Variants in ANO6 observed in about 807,000 individuals in gnomAD.
ANO6 encodes anoctamin-6.
In ANO6, 106 loss-of-function variants were observed where a neutral mutation model predicts 117.5. The observed-to-expected ratio is 0.90, with a 90% confidence interval of 0.77 to 1.06. The LOEUF (loss-of-function observed/expected upper bound fraction) is 1.06, where lower values mean the gene tolerates loss of function less well. Among genes scored for constraint, ANO6 ranks in the 50% least tolerant of loss-of-function variants. The pLI is 0.00. For synonymous variants in ANO6, 367 were observed against 385.1 expected, an observed-to-expected ratio of 0.95 and a Z score of 0.55; for missense variants, 955 against 1,121.1, an observed-to-expected ratio of 0.85 and a Z score of 2.12.
chr12:45,287,980 A>C (rs1292349397), intron 1 of ANO6, among the ~76,000 whole-genome samples: 2 of 152,168 alleles, frequency 1.3e-5, no homozygotes, highest in African/African-American at 4.8e-5. Context: ...GGCTTATGGC[A>C]AGGGGGAGAG....
intron 1 of ANO6, among the ~76,000 whole-genome samples, chr12:45,279,042 C>A (rs1412786576): frequency 6.6e-6 from 1 of 152,172 alleles, no homozygotes; most frequent in Non-Finnish European, 1.5e-5. Flanking sequence ...GATCCCCATC[C>A]TCAACTGTGC....
At position 45,280,654 on chromosome 12, in the gene ANO6, G is replaced by A. The variant is rs1483344625; in HGVS notation, c.71-21360G>A. Reference sequence around the variant, plus strand: ...GAATGGAAACTGATCCTGGCACACCGAGTCAGCAGATGCTCTCCTATCAAT... The same window carrying A: ...GAATGGAAACTGATCCTGGCACACCAAGTCAGCAGATGCTCTCCTATCAAT... On this transcript the variant is annotated intron_variant, in intron 1 of 19. Transcript: ENST00000320560. 6.6e-5 allele frequency among the ~76,000 whole-genome samples: 10 copies of A among 152,058 alleles called. No individual in the cohort carries two copies. The East Asian group carries it at 1.2e-3, about 18-fold the overall frequency.
At chr12:45,235,089 T>G (rs1947626273) in intron 1 of ANO6, among the ~76,000 whole-genome samples, 4 of 152,202 alleles carry the variant, frequency 2.6e-5, no homozygotes, top group Admixed American at 2.0e-4. Flanking sequence ...TCTTTAGTTC[T>G]TTGGATTCTG....
chr12:45,422,247 C>A (rs1943383500), intron 18 of ANO6, among the ~76,000 whole-genome samples: 1 of 152,064 alleles, frequency 6.6e-6, no homozygotes, highest in Admixed American at 6.6e-5. Context: ...TTATAACAAG[C>A]AGATAGCACT....
At chr12:45,385,519 G>T (rs1216746016) in intron 10 of ANO6, among the ~76,000 whole-genome samples, 1 of 152,142 alleles carries the variant, frequency 6.6e-6, no homozygotes, top group African/African-American at 2.4e-5. Context: ...TTCATATGCA[G>T]CCTAGGGAGG....
chr12:45,363,577 A>G (rs1941610694), intron 8 of ANO6, among the ~76,000 whole-genome samples: 1 of 151,584 alleles, frequency 6.6e-6, no homozygotes, highest in Non-Finnish European at 1.5e-5. Context: ...AAAAAAAAAA[A>G]GAAAAAAGGG....
In ANO6 at chr12:45,278,576, T is replaced by C. The variant is rs940843929; in HGVS notation, c.71-23438T>C. Among the ~76,000 whole-genome samples the C allele has an allele frequency of 1.4e-4, 22 of 152,214 alleles. 1 individual carries two copies. Among genetic ancestry groups the C allele is most frequent in the African/African-American group, 5.1e-4 (21 of 41,472 alleles). On this transcript the variant is annotated intron_variant, in intron 1 of 19. Coordinates refer to ENST00000320560, the MANE Select transcript of ANO6 (RefSeq NM_001025356.3). ...TTTTTTTATTCTTTGACTATTTCTC[T>C]CTTTCTCCCTCTCTCCCTTTGGTAA... is the stretch of plus-strand genomic sequence containing the variant.
chr12:45,246,337 C>T (rs941877350), intron 1 of ANO6, among the ~76,000 whole-genome samples: 1 of 152,242 alleles, frequency 6.6e-6, no homozygotes, highest in Non-Finnish European at 1.5e-5. Flanking sequence ...TTTTCTTGCA[C>T]TTCCCAGTGT....
chr12:45,334,969 G>C (rs982785625), intron 3 of ANO6, among the ~76,000 whole-genome samples: 2 of 151,902 alleles, frequency 1.3e-5, no homozygotes, highest in Non-Finnish European at 2.9e-5. Context: ...TAGTGACCAA[G>C]TAATGGTACA....
chr12:45,314,529 CA>C (rs2137342707), intron 2 of ANO6, among the ~76,000 whole-genome samples: 1 of 149,838 alleles, frequency 6.7e-6, no homozygotes, highest in African/African-American at 2.4e-5. Flanking sequence ...ATATATCTAC[CA>C]AATATATATA....
At position 45,430,172 on chromosome 12, in the gene ANO6, T is replaced by G. The variant is rs1218530805; in HGVS notation, c.*861T>G. The G allele has an allele frequency of 2.0e-6, 2 of 985,316 alleles. No homozygotes were observed. The highest frequency in any genetic ancestry group is 3.5e-5 in the African/African-American group (2 of 57,252). The allele number at this position is 985,316 out of a possible 1,614,324, so 61.0% of individuals were successfully genotyped here. A position where few individuals can be genotyped will look rare whatever the true frequency, so the allele number is the denominator to read the frequency against. On this transcript the variant is annotated 3_prime_UTR_variant, in exon 20 of 20. Transcript: ENST00000320560. ...TGTAGTTTCTTGGAAAACAGTGATA[T>G]CACATGATTAAAATTACATTTTTAT...
At position 45,420,941 on chromosome 12, in the gene ANO6, T is replaced by C. The variant is rs1592047488; in HGVS notation, c.2218-130T>C. Reference sequence around the variant, plus strand: ...TCAGGAGGCTGAGGCAGGAGAATTTTTTGAACCCAAGAGGTGGAGGTTGCA... The same window carrying C: ...TCAGGAGGCTGAGGCAGGAGAATTTCTTGAACCCAAGAGGTGGAGGTTGCA... On this transcript the variant is annotated intron_variant, in intron 17 of 19. Transcript: ENST00000320560. The C allele has an allele frequency of 4.1e-6, 4 of 982,932 alleles. No individual in the cohort carries two copies. In the East Asian group the frequency reaches 1.0e-4, roughly 25 times the overall value. 60.9% of individuals were successfully genotyped at this position (982,932 alleles called of 1,614,324 possible).
chr12:45,292,703 A>G (rs1230614852), intron 1 of ANO6: 2 of 1,319,776 alleles, frequency 1.5e-6, no homozygotes, highest in East Asian at 6.2e-5. Context: ...GGAGGCTTGT[A>G]GGAATAGGGG....
intron 10 of ANO6, among the ~76,000 whole-genome samples, chr12:45,379,845 T>C (rs1352977570): frequency 1.3e-5 from 2 of 152,246 alleles, no homozygotes; most frequent in African/African-American, 4.8e-5. Flanking sequence ...CAGAAAGTAT[T>C]TCAGCACTGC....
intron 2 of ANO6, among the ~76,000 whole-genome samples, chr12:45,307,873 G>T (rs756013156): frequency 3.9e-5 from 6 of 151,922 alleles, no homozygotes. Context: ...TTCTGATGAT[G>T]GAGAATTGAC....
At position 45,429,091 on chromosome 12, in the gene ANO6, C is replaced by G; in HGVS notation, c.2527-14C>G. ...TTTCTTTGTGAGTGACATTTTTCTT[C>G]TTCTCTTCCCCAGCACGTCATCTAC... On this transcript the variant is annotated splice_polypyrimidine_tract_variant and intron_variant, in intron 19 of 19. Transcript: ENST00000320560. 2 of 1,612,226 alleles carry G rather than the reference C, an allele frequency of 1.2e-6. No individual in the cohort carries two copies. The highest frequency in any genetic ancestry group is 1.7e-6 in the Non-Finnish European group (2 of 1,179,574).
intron 1 of ANO6, among the ~76,000 whole-genome samples, chr12:45,222,741 T>A (rs1403306418): frequency 1.3e-5 from 2 of 152,190 alleles, no homozygotes; most frequent in Non-Finnish European, 2.9e-5. Context: ...AAAGAAATTC[T>A]CCCATCTACC....
At chr12:45,304,630 C>T (rs1484606899) in intron 2 of ANO6, among the ~76,000 whole-genome samples, 1 of 152,052 alleles carries the variant, frequency 6.6e-6, no homozygotes, top group Non-Finnish European at 1.5e-5. Context: ...GATCAAGAGC[C>T]TAGTGTTTTT....
At chr12:45,370,884 G>A (rs571199244) in intron 9 of ANO6, among the ~76,000 whole-genome samples, 35 of 152,262 alleles carry the variant, frequency 2.3e-4, no homozygotes, top group East Asian at 3.9e-4. Flanking sequence ...GAACAGCTCC[G>A]GTCTACAGCT....
Sources: allele counts gnomAD v4.1 joint callset (sites outside exome capture counted in the v4.1 genomes callset), GRCh38; gene constraint gnomAD v4.1.1; transcripts MANE v1.5; gene names NCBI Gene and HGNC (gene_info 2026-07-23, HGNC 2026-07-21).